The following GRIA3 variants were observed in gnomAD, a reference collection of about 807,000 sequenced individuals.
GRIA3 encodes glutamate ionotropic receptor AMPA type subunit 3.
Under a neutral mutation model 63.0 loss-of-function variants are expected in GRIA3, and 3 were observed. The observed-to-expected ratio is 0.05, with a 90% CI of 0.02 to 0.12. The LOEUF (loss-of-function observed/expected upper bound fraction) is 0.12, where lower values mean the gene tolerates loss of function less well. GRIA3 is among the 10% of genes least tolerant of loss of function. The pLI is 1.00. For missense variants in GRIA3, 347 were observed against 700.9 expected (o/e 0.50, Z 5.70); for synonymous variants, 274 against 257.9 (o/e 1.06, Z -0.60).
At chrX:123,353,072 CAT>C (rs2045108820) in intron 4 of GRIA3, among the ~76,000 whole-genome samples, 2 of 109,264 alleles carry the variant, frequency 1.8e-5, no homozygotes, top group Admixed American at 9.8e-5. Context: ...CACACACACA[CAT>C]ACTTAAAATG....
intron 3 of GRIA3, among the ~76,000 whole-genome samples, chrX:123,259,602 C>A (rs1408001553): frequency 8.9e-6 from 1 of 111,797 alleles, no homozygotes; most frequent in Non-Finnish European, 1.9e-5. Context: ...GTGATAAGAG[C>A]AACTGCCATT....
chrX:123,212,048 A>G (rs1265131661), intron 2 of GRIA3, among the ~76,000 whole-genome samples: 2 of 112,106 alleles, frequency 1.8e-5, no homozygotes, highest in African/African-American at 6.5e-5. Context: ...GTTAGAATAA[A>G]ATAAAATTTA....
intron 12 of GRIA3, among the ~76,000 whole-genome samples, chrX:123,428,506 T>C (rs963441675): frequency 8.9e-6 from 1 of 111,963 alleles, no homozygotes; most frequent in African/African-American, 3.2e-5. Context: ...TTCTAGCTTT[T>C]ACAAAAGCAG....
chrX:123,322,587 G>A (rs891320920), intron 3 of GRIA3, among the ~76,000 whole-genome samples: 1 of 109,925 alleles, frequency 9.1e-6, no homozygotes, highest in Admixed American at 9.7e-5. Flanking sequence ...TCCCTCAAGC[G>A]CATATTTACT....
At chrX:123,191,167 T>C (rs1189126986) in intron 2 of GRIA3, among the ~76,000 whole-genome samples, 1 of 112,433 alleles carries the variant, frequency 8.9e-6, no homozygotes, top group Non-Finnish European at 1.9e-5. Context: ...GGACCTTTCA[T>C]AAAACCATCT....
chrX:123,373,035 G>A, intron 5 of GRIA3, among the ~76,000 whole-genome samples: 1 of 108,778 alleles, frequency 9.2e-6, no homozygotes, highest in Admixed American at 9.9e-5. Flanking sequence ...CCCACAACAG[G>A]CCCCGGTGTG....
At chrX:123,287,669 C>T (rs947104662) in intron 3 of GRIA3, among the ~76,000 whole-genome samples, 3 of 111,468 alleles carry the variant, frequency 2.7e-5, no homozygotes, top group African/African-American at 9.8e-5. Context: ...TTCACAATTG[C>T]TACAAACAGG....
chrX:123,289,903 A>T (rs2044645416), intron 3 of GRIA3, among the ~76,000 whole-genome samples: 1 of 111,246 alleles, frequency 9.0e-6, no homozygotes, highest in African/African-American at 3.3e-5. Flanking sequence ...ACTTTTTATA[A>T]TTTTTTTATC....
At chrX:123,469,589 A>C (rs1198760793) in intron 13 of GRIA3, among the ~76,000 whole-genome samples, 2 of 111,913 alleles carry the variant, frequency 1.8e-5, no homozygotes, top group Non-Finnish European at 3.8e-5. Context: ...TGCACATGCA[A>C]GGATCATGTA....
intron 3 of GRIA3, among the ~76,000 whole-genome samples, chrX:123,292,892 G>A (rs765173324): frequency 1.0e-3 from 113 of 110,908 alleles, no homozygotes; most frequent in African/African-American, 2.3e-3. Context: ...CGATCATGGC[G>A]AAAGTCCAAG....
intron 10 of GRIA3, among the ~76,000 whole-genome samples, chrX:123,412,243 T>C (rs2045510976): frequency 8.9e-6 from 1 of 111,782 alleles, no homozygotes; most frequent in Admixed American, 9.5e-5. Flanking sequence ...AACTAACTAG[T>C]GTTCAAAATA....
At chrX:123,420,104 AG>A (rs2045556655) in intron 11 of GRIA3, among the ~76,000 whole-genome samples, 1 of 111,911 alleles carries the variant, frequency 8.9e-6, no homozygotes, top group Non-Finnish European at 1.9e-5. Flanking sequence ...AAAAAGCTGT[AG>A]GTTTTGGTAA....
chrX:123,207,538 C>T (rs761287105), intron 2 of GRIA3, among the ~76,000 whole-genome samples: 8 of 111,769 alleles, frequency 7.2e-5, no homozygotes, highest in Admixed American at 2.8e-4. Context: ...GAAAGGGCCA[C>T]GAAATCCAGC....
intron 2 of GRIA3, among the ~76,000 whole-genome samples, chrX:123,195,469 G>A (rs932781612): frequency 8.9e-6 from 1 of 111,785 alleles, no homozygotes; most frequent in African/African-American, 3.3e-5. Flanking sequence ...TTTCAACTTG[G>A]GTTGAAATTT....
chrX:123,269,536 G>A (rs1488280867), intron 3 of GRIA3, among the ~76,000 whole-genome samples: 2 of 111,635 alleles, frequency 1.8e-5, no homozygotes, highest in East Asian at 2.8e-4. Flanking sequence ...TTTCTTCTAT[G>A]AGAATCAGAA....
At chrX:123,321,412 G>A (rs1206997160) in intron 3 of GRIA3, among the ~76,000 whole-genome samples, 1 of 112,131 alleles carries the variant, frequency 8.9e-6, no homozygotes, top group Non-Finnish European at 1.9e-5. Flanking sequence ...GTGGCTCTGA[G>A]AGATCTGGTG....
rs189991147 is a variant in GRIA3 at position 123,403,620 on chromosome X, T to C, written c.1293+101T>C. 594 of 602,469 alleles carry C rather than the reference T, an allele frequency of 9.9e-4. 3 individuals carry two copies. Among genetic ancestry groups the C allele is most frequent in the Middle Eastern group, 5.7e-3 (18 of 3,150 alleles). The allele number at this position is 602,469 out of a possible 1,213,427, so 49.7% of individuals were successfully genotyped here. On this transcript the variant is annotated intron_variant, in intron 9 of 15. Coordinates refer to ENST00000620443, the MANE Select transcript of GRIA3 (RefSeq NM_007325.5). ...TAGAAAAGACCTCAAGTTCAAACAG[T>C]AAAAACTTCCAACAGGGAAGCTCAG...
At chrX:123,468,006 A>C (rs139170820) in intron 13 of GRIA3, among the ~76,000 whole-genome samples, 1 of 112,199 alleles carries the variant, frequency 8.9e-6, no homozygotes. Flanking sequence ...AATGTTTTCA[A>C]CTTCTCTAAC....
intron 4 of GRIA3, among the ~76,000 whole-genome samples, chrX:123,347,445 G>A (rs925464730): frequency 9.8e-5 from 11 of 112,062 alleles, no homozygotes; most frequent in East Asian, 2.8e-4. Flanking sequence ...ACTTTTATTC[G>A]AAAATATAAA....
Sources: allele counts gnomAD v4.1 joint callset (sites outside exome capture counted in the v4.1 genomes callset), GRCh38; gene constraint gnomAD v4.1.1; transcripts MANE v1.5; gene names NCBI Gene and HGNC (gene_info 2026-07-23, HGNC 2026-07-21).